BICC1: variants seen among roughly 807,000 people sequenced by gnomAD.
BICC1 encodes the protein BicC family RNA binding protein 1.
Under a neutral mutation model 111.0 loss-of-function variants are expected in BICC1, and 43 were observed. That is an observed-to-expected ratio of 0.39 (90% CI 0.30 to 0.50). The LOEUF (loss-of-function observed/expected upper bound fraction) is 0.50, where lower values mean the gene tolerates loss of function less well. BICC1 is among the 20% of genes least tolerant of loss of function. The pLI, the probability that BICC1 is intolerant of heterozygous loss-of-function variation, is 0.88. For synonymous variants in BICC1, 467 were observed against 434.4 expected (o/e 1.07, Z -0.93); for missense variants, 1,091 against 1,203.2 (o/e 0.91, Z 1.38).
intron 1 of BICC1, among the ~76,000 whole-genome samples, chr10:58,563,936 A>G (rs968968840): frequency 6.6e-6 from 1 of 152,174 alleles, no homozygotes; most frequent in Admixed American, 6.5e-5. Context: ...ATAGTATCCT[A>G]TGCCACATTT....
intron 1 of BICC1, among the ~76,000 whole-genome samples, chr10:58,516,754 T>G (rs558520294): frequency 3.7e-4 from 56 of 152,310 alleles, no homozygotes; most frequent in African/African-American, 1.3e-3. Context: ...TCATGCATCA[T>G]GTGAAATAAT....
At chr10:58,515,834 A>G (rs1344615304) in intron 1 of BICC1, among the ~76,000 whole-genome samples, 2 of 152,192 alleles carry the variant, frequency 1.3e-5, no homozygotes, top group African/African-American at 2.4e-5. Context: ...TTGGTCAATG[A>G]TAAGAACTTA....
At chr10:58,774,496 G>T (rs1338366299) in intron 3 of BICC1, among the ~76,000 whole-genome samples, 4 of 152,110 alleles carry the variant, frequency 2.6e-5, no homozygotes, top group African/African-American at 9.7e-5. Flanking sequence ...TATTTTTTGT[G>T]CATTATAAAA....
At chr10:58,781,421 A>G (rs1174792600) in intron 3 of BICC1, among the ~76,000 whole-genome samples, 1 of 152,166 alleles carries the variant, frequency 6.6e-6, no homozygotes, top group Non-Finnish European at 1.5e-5. Flanking sequence ...CAAATTAAAC[A>G]TGACCCCTGT....
intron 2 of BICC1, among the ~76,000 whole-genome samples, chr10:58,641,071 A>C (rs1360648836): frequency 2.6e-5 from 4 of 152,224 alleles, no homozygotes; most frequent in Non-Finnish European, 4.4e-5. Flanking sequence ...CAATTCTTCC[A>C]AAACAATAAT....
chr10:58,787,006 A>C lies in BICC1; in HGVS notation c.471A>C (p.Lys157Asn), dbSNP rs1843029236. The change falls in exon 5 of 21, where the codon AAA becomes AAC. Residue 157 changes from lysine (K) to asparagine (N), a missense_variant. This residue lies in a region of BICC1 where 843 missense variants were observed against 900.8 expected (regional missense o/e 0.94). Coordinates refer to ENST00000373886, the MANE Select transcript of BICC1 (RefSeq NM_001080512.3). Reference sequence around the variant, plus strand: ...GCAAAGGTGGCAACAATATTAAAAAAGTGATGGAAGAAACCGGATGCCATA... The same window carrying C: ...GCAAAGGTGGCAACAATATTAAAAACGTGATGGAAGAAACCGGATGCCATA... ...VIGKGGNNIK[K>N]VMEETGCHIH... 1 of 1,609,948 alleles carries C rather than the reference A, an allele frequency of 6.2e-7. No individual in the cohort carries two copies. Among genetic ancestry groups the C allele is most frequent in the Non-Finnish European group, 8.5e-7 (1 of 1,178,440 alleles).
At chr10:58,729,070 C>T (rs977016763) in intron 3 of BICC1, among the ~76,000 whole-genome samples, 12 of 152,138 alleles carry the variant, frequency 7.9e-5, no homozygotes, top group African/African-American at 1.2e-4. Flanking sequence ...TCATTGGCTT[C>T]GACTTGTAGT....
At chr10:58,752,841 C>T (rs931120400) in intron 3 of BICC1, among the ~76,000 whole-genome samples, 3 of 152,108 alleles carry the variant, frequency 2.0e-5, no homozygotes, top group African/African-American at 7.2e-5. Context: ...GGTGAATTTT[C>T]CCACTTAGCA....
At chr10:58,736,463 C>G (rs927950840) in intron 3 of BICC1, among the ~76,000 whole-genome samples, 2 of 151,930 alleles carry the variant, frequency 1.3e-5, no homozygotes, top group African/African-American at 4.8e-5. Context: ...GCTGTTTTTC[C>G]TTGCACTTAG....
chr10:58,599,798 G>A (rs1375600224), intron 1 of BICC1, among the ~76,000 whole-genome samples: 1 of 151,962 alleles, frequency 6.6e-6, no homozygotes, highest in Non-Finnish European at 1.5e-5. Context: ...ACCAGTTTTT[G>A]TCCTTTTTAA....
At chr10:58,736,388 C>CATA (rs3076332) in intron 3 of BICC1, among the ~76,000 whole-genome samples, 151,845 of 152,280 alleles carry the variant, frequency 1, 75,706 homozygotes, top group Middle Eastern at 1. Flanking sequence ...GAAAAAACAA[C>CATA]ATATGTAGAA....
At chr10:58,604,544 C>G (rs2132083355) in intron 1 of BICC1, among the ~76,000 whole-genome samples, 1 of 152,152 alleles carries the variant, frequency 6.6e-6, no homozygotes, top group African/African-American at 2.4e-5. Flanking sequence ...GCCTGTAGTC[C>G]CAGCTACTCG....
intron 2 of BICC1, among the ~76,000 whole-genome samples, chr10:58,688,669 G>T (rs1310460264): frequency 1.3e-5 from 2 of 152,092 alleles, no homozygotes; most frequent in African/African-American, 4.8e-5. Flanking sequence ...AGAAAATATG[G>T]CATATATACA....
intron 2 of BICC1, among the ~76,000 whole-genome samples, chr10:58,628,244 T>A (rs954966831): frequency 6.6e-6 from 1 of 152,180 alleles, no homozygotes; most frequent in Non-Finnish European, 1.5e-5. Flanking sequence ...ATAACTAAGA[T>A]AGATTGAAGT....
At chr10:58,527,631 T>G (rs1842579613) in intron 1 of BICC1, among the ~76,000 whole-genome samples, 1 of 152,120 alleles carries the variant, frequency 6.6e-6, no homozygotes, top group African/African-American at 2.4e-5. Flanking sequence ...GGTTTCAGCT[T>G]TCTACATACG....
chr10:58,757,209 G>A (rs1240681399), intron 3 of BICC1, among the ~76,000 whole-genome samples: 1 of 152,140 alleles, frequency 6.6e-6, no homozygotes, highest in African/African-American at 2.4e-5. Flanking sequence ...CAGCCACCTT[G>A]TTGAATGTTA....
chr10:58,615,374 G>T (rs913125827), intron 1 of BICC1, among the ~76,000 whole-genome samples: 1 of 152,180 alleles, frequency 6.6e-6, no homozygotes, highest in Non-Finnish European at 1.5e-5. Flanking sequence ...CAGACATCCA[G>T]TTCAGCATGA....
chr10:58,767,216 A>T (rs892083207), intron 3 of BICC1, among the ~76,000 whole-genome samples: 1 of 152,048 alleles, frequency 6.6e-6, no homozygotes, highest in African/African-American at 2.4e-5. Flanking sequence ...TGACTCTGGG[A>T]TTGGAGGAAG....
At chr10:58,720,749 G>A (rs530005458) in intron 3 of BICC1, among the ~76,000 whole-genome samples, 12 of 152,304 alleles carry the variant, frequency 7.9e-5, no homozygotes, top group South Asian at 2.1e-4. Context: ...CCCGGGGTTC[G>A]GGGTGGACAC....
Sources: allele counts gnomAD v4.1 joint callset (sites outside exome capture counted in the v4.1 genomes callset), GRCh38; gene constraint gnomAD v4.1.1; regional missense constraint gnomAD v4.1.1; transcripts MANE v1.5; gene names NCBI Gene and HGNC (gene_info 2026-07-23, HGNC 2026-07-21).